Variants in PON1 observed in about 807,000 individuals in gnomAD.
PON1 encodes serum paraoxonase/arylesterase 1.
Under a neutral mutation model 39.2 loss-of-function variants are expected in PON1, and 37 were observed. That is an observed-to-expected ratio of 0.94 (90% CI 0.73 to 1.24). The LOEUF is 1.24. Among genes scored for constraint, PON1 ranks in the 50% most tolerant of loss-of-function variants. PON1 has a pLI of 0.00. For synonymous variants in PON1, 148 were observed against 152.2 expected, an observed-to-expected ratio of 0.97 and a Z score of 0.21; for missense variants, 397 against 413.5, an observed-to-expected ratio of 0.96 and a Z score of 0.35.
At chr7:95,315,837 G>C (rs978277768) in intron 3 of PON1, among the ~76,000 whole-genome samples, 2 of 152,218 alleles carry the variant, frequency 1.3e-5, no homozygotes, top group African/African-American at 4.8e-5. Context: ...GGAATACAGA[G>C]AGAATATTGC....
At position 95,299,018 on chromosome 7, in the gene PON1, T is replaced by C. The variant is rs760475821; in HGVS notation, c.994A>G (p.Thr332Ala). The change falls in exon 9 of 9, where the codon ACA becomes GCA. Residue 332 changes from threonine (T) to alanine (A), a missense_variant. Coordinates refer to ENST00000222381, the MANE Select transcript of PON1 (RefSeq NM_000446.7). ...AENGTVLQGS[T>A]VASVYKGKLL... ...TTCCCTTTGTACACAGAGGCAACTGTACTGCCTTGCAACACTGTGCCATTT... is the reference window on the plus strand; with the variant it reads ...TTCCCTTTGTACACAGAGGCAACTGCACTGCCTTGCAACACTGTGCCATTT... 2.5e-6 allele frequency: 4 copies of C among 1,614,122 alleles called. No individual in the cohort carries two copies. In the Admixed American group the frequency reaches 6.7e-5, roughly 27 times the overall value.
intron 4 of PON1, among the ~76,000 whole-genome samples, chr7:95,312,994 G>T (rs182942088): frequency 3.3e-4 from 50 of 152,312 alleles, no homozygotes; most frequent in Admixed American, 2.7e-3. Context: ...GCTCACTGGG[G>T]TATTTGAACC....
chr7:95,302,311 A>G lies in PON1; in HGVS notation c.803T>C (p.Val268Ala), dbSNP rs932138233. 2 of 1,607,776 alleles carry G rather than the reference A, an allele frequency of 1.2e-6. No homozygotes were observed. The highest frequency in any genetic ancestry group is 1.7e-5 in the Admixed American group (1 of 59,990). The stretch of plus-strand genomic sequence containing the variant: ...CTCAGGATCCACAGATATGTTATCC[A>G]CGAGGGTATTAAAGTCAAGGGACTT... ...PLKSLDFNTL[V>A]DNISVDPETG... Residue 268 changes from valine (V) to alanine (A), a missense_variant, in exon 8 of 9, where the codon GTG (valine) becomes GCG (alanine). Transcript: ENST00000222381.
chr7:95,305,405 C>T (rs967990057), intron 7 of PON1, among the ~76,000 whole-genome samples: 4 of 152,020 alleles, frequency 2.6e-5, no homozygotes, highest in Non-Finnish European at 1.5e-5. Flanking sequence ...CATGCCCAGC[C>T]CCACCGCAGT....
intron 4 of PON1, among the ~76,000 whole-genome samples, chr7:95,313,350 T>C (rs2116316660): frequency 6.6e-6 from 1 of 152,326 alleles, no homozygotes; most frequent in South Asian, 2.1e-4. Flanking sequence ...AGATGAGCTA[T>C]ATTACAGTGC....
intron 7 of PON1, among the ~76,000 whole-genome samples, chr7:95,303,757 C>A (rs1807482458): frequency 6.6e-6 from 1 of 152,136 alleles, no homozygotes; most frequent in African/African-American, 2.4e-5. Flanking sequence ...CATGCAAGAC[C>A]CCTGCGTATC....
At chr7:95,312,819 G>C (rs1807685090) in intron 4 of PON1, among the ~76,000 whole-genome samples, 1 of 151,834 alleles carries the variant, frequency 6.6e-6, no homozygotes, top group African/African-American at 2.4e-5. Context: ...GTTGTGCTGG[G>C]AGTGTGCAAA....
At position 95,315,457 on chromosome 7, in the gene PON1, G is replaced by C. The variant is rs756493526; in HGVS notation, c.235C>G (p.Pro79Ala). The change falls in exon 4 of 9, where the codon CCC (proline) becomes GCC (alanine). Residue 79 changes from proline to alanine, a missense_variant. Transcript: ENST00000222381. ...LKYPGIKSFN[P>A]NSPGKILLMD... ...AGAAGTATTTTTCCAGGACTGTTGG[G>C]GTTGAAGCTCTTTATTCCAGGATAC... The C allele has an allele frequency of 8.7e-6, 14 of 1,614,056 alleles. No homozygotes were observed. In the South Asian group the frequency reaches 1.5e-4, roughly 18 times the overall value.
intron 2 of PON1, among the ~76,000 whole-genome samples, chr7:95,317,752 G>A (rs969670358): frequency 2.6e-5 from 4 of 152,102 alleles, no homozygotes; most frequent in Middle Eastern, 3.4e-3. Flanking sequence ...TTTTATCTTT[G>A]CTGACAGGGC....
In PON1 at chr7:95,319,131, C is replaced by CTTTTTTTTTTT. The variant is rs369225812; in HGVS notation, c.75-749_75-739dup. 2.9e-4 allele frequency among the ~76,000 whole-genome samples: 40 copies of CTTTTTTTTTTT among 138,342 alleles called. 1 individual carries two copies. The South Asian group carries it at 9.2e-3, about 32-fold the overall frequency. The allele number at this position is 138,342 out of a possible 152,430, so 90.8% of individuals were successfully genotyped here. On this transcript the variant is annotated intron_variant, in intron 1 of 8. Transcript: ENST00000222381. ...ACAACCAAGAGATTTAAACAATAAA[C>CTTTTTTTTTTT]TTTTTTTTTTTTTTTTAGAGAACTA... is the stretch of plus-strand genomic sequence containing the variant.
intron 4 of PON1, 144 bp from the exon 5 acceptor site, chr7:95,311,721 G>C: frequency 1.1e-6 from 1 of 905,990 alleles, no homozygotes; most frequent in South Asian, 1.5e-5. Flanking sequence ...GTAGAGAGAA[G>C]CATTGGTGAT....
Position 95,310,883 on chromosome 7 carries a change from G to C in PON1, c.497+568C>G, listed in dbSNP as rs1229394028. Among the ~76,000 whole-genome samples, 3 of 152,220 alleles carry C rather than the reference G, an allele frequency of 2.0e-5. No individual in the cohort carries two copies. In the East Asian group the frequency reaches 5.8e-4, roughly 29 times the overall value. On this transcript the variant is annotated intron_variant, in intron 5 of 8. Coordinates refer to ENST00000222381, the MANE Select transcript of PON1 (RefSeq NM_000446.7). ...CAGGGCATGTGAGGAAGTTGACTGAGATTGGAGATTCTTGAGTGTTTTATT... is the reference window on the plus strand; with the variant it reads ...CAGGGCATGTGAGGAAGTTGACTGACATTGGAGATTCTTGAGTGTTTTATT...
chr7:95,306,729 G>A (rs1378141903), intron 6 of PON1, among the ~76,000 whole-genome samples: 3 of 152,048 alleles, frequency 2.0e-5, no homozygotes, highest in Admixed American at 1.3e-4. Flanking sequence ...GTTCTCTCTC[G>A]GGAAAGTTGC....
intron 1 of PON1, among the ~76,000 whole-genome samples, chr7:95,321,807 C>A (rs989579530): frequency 2.0e-5 from 3 of 152,204 alleles, no homozygotes; most frequent in Non-Finnish European, 4.4e-5. Flanking sequence ...TTTGTAGCTT[C>A]TCCAGTCTTC....
At chr7:95,302,439 C>T (rs1807456984) in intron 7 of PON1, 106 bp from the exon 8 acceptor site, 2 of 939,272 alleles carry the variant, frequency 2.1e-6, no homozygotes, top group Non-Finnish European at 3.3e-6. Flanking sequence ...GGTCACCACG[C>T]TGCTGCTTCC....
chr7:95,319,304 G>A (rs145860020), intron 1 of PON1, among the ~76,000 whole-genome samples: 15 of 152,066 alleles, frequency 9.9e-5, no homozygotes, highest in East Asian at 1.9e-4. Context: ...GAACAGACAC[G>A]CTAGATAAAA....
At position 95,316,788 on chromosome 7, in the gene PON1, T is replaced by C; in HGVS notation, c.147A>G (p.Glu49=). ...LPNCNLVKGI[E]TGSEDLEILP... ...GTATCTCCAAGTCTTCAGAGCCAGT[T>C]TCTGCCAGAAAAGAGAACAGAAAGT... The change falls in exon 3 of 9, where the codon GAA becomes GAG. Residue 49 remains glutamate, a splice_region_variant and synonymous_variant. Coordinates refer to ENST00000222381, the MANE Select transcript of PON1 (RefSeq NM_000446.7). The C allele has an allele frequency of 6.2e-7, 1 of 1,612,438 alleles. No individual in the cohort carries two copies. The highest frequency in any genetic ancestry group is 8.5e-7 in the Non-Finnish European group (1 of 1,178,494).
chr7:95,309,321 A>AAG (rs1039709609), intron 5 of PON1, among the ~76,000 whole-genome samples: 3 of 151,952 alleles, frequency 2.0e-5, no homozygotes, highest in African/African-American at 7.3e-5. Flanking sequence ...CATGAAAAAA[A>AAG]AAAAAAGGTC....
At chr7:95,319,974 T>C (rs1807859163) in intron 1 of PON1, among the ~76,000 whole-genome samples, 1 of 152,234 alleles carries the variant, frequency 6.6e-6, no homozygotes, top group Non-Finnish European at 1.5e-5. Context: ...TAAATTGACT[T>C]TGTTACCCAC....
Sources: allele counts gnomAD v4.1 joint callset (sites outside exome capture counted in the v4.1 genomes callset), GRCh38; gene constraint gnomAD v4.1.1; transcripts MANE v1.5; gene names NCBI Gene and HGNC (gene_info 2026-07-23, HGNC 2026-07-21).